Variants in ACBD3 observed in about 807,000 individuals in gnomAD.
ACBD3 encodes Golgi resident protein GCP60.
A neutral mutation model predicts 66.9 loss-of-function variants in ACBD3; 30 were observed. The ratio of observed to expected loss-of-function variants is 0.45; its 90% CI spans 0.34 to 0.61. ACBD3 has a LOEUF of 0.61. Among genes scored for constraint, ACBD3 ranks in the 20% least tolerant of loss-of-function variants. The pLI, the probability that ACBD3 is intolerant of heterozygous loss-of-function variation, is 0.02. For missense variants in ACBD3, 544 were observed against 664.5 expected (o/e 0.82, Z 1.99); for synonymous variants, 278 against 259.8 (o/e 1.07, Z -0.68).
intron 1 of ACBD3, among the ~76,000 whole-genome samples, chr1:226,172,638 C>A (rs1440111420): frequency 6.7e-6 from 1 of 149,026 alleles, no homozygotes; most frequent in African/African-American, 2.5e-5. Context: ...AAATTTGTCT[C>A]AAAAAAAAAA....
At chr1:226,174,990 G>A (rs573014558) in intron 1 of ACBD3, among the ~76,000 whole-genome samples, 2 of 150,232 alleles carry the variant, frequency 1.3e-5, no homozygotes, top group Non-Finnish European at 3.0e-5. Context: ...AGCTACTCAC[G>A]AGGCTGAGAC....
At chr1:226,166,999 T>A (rs1659889467) in intron 1 of ACBD3, among the ~76,000 whole-genome samples, 1 of 151,932 alleles carries the variant, frequency 6.6e-6, no homozygotes, top group African/African-American at 2.4e-5. Context: ...TCTTACAATG[T>A]TGCCCAGACT....
At position 226,145,082 on chromosome 1, in the gene ACBD3, T is replaced by C. The variant is rs2102770421; in HGVS notation, c.*1528A>G. The C allele has an allele frequency of 6.6e-6, 1 of 152,578 alleles. No homozygotes were observed. Among genetic ancestry groups the C allele is most frequent in the African/African-American group, 2.4e-5 (1 of 41,542 alleles). 9.5% of individuals were successfully genotyped at this position (152,578 alleles called of 1,614,324 possible). A position where few individuals can be genotyped will look rare whatever the true frequency, so the allele number is the denominator to read the frequency against. ...GAGAGCCTGACAAATGTTCTGGATG[T>C]AACAGTATGAACACCTATGAGCTGG... On this transcript the variant is annotated 3_prime_UTR_variant, in exon 8 of 8. Coordinates refer to ENST00000366812, the MANE Select transcript of ACBD3 (RefSeq NM_022735.4).
chr1:226,147,104 A>C (rs1659470092), intron 7 of ACBD3, among the ~76,000 whole-genome samples: 1 of 151,970 alleles, frequency 6.6e-6, no homozygotes, highest in Non-Finnish European at 1.5e-5. Context: ...GTTGGCCAGG[A>C]TTGTCTCAAT....
chr1:226,166,023 G>T, intron 1 of ACBD3, 23 bp from the exon 2 acceptor site: 1 of 1,596,578 alleles, frequency 6.3e-7, no homozygotes, highest in Non-Finnish European at 8.5e-7. Flanking sequence ...GAAACACAAA[G>T]AAAACAATTA....
chr1:226,173,725 G>A (rs1172448599), intron 1 of ACBD3, among the ~76,000 whole-genome samples: 3 of 149,854 alleles, frequency 2.0e-5, no homozygotes, highest in South Asian at 2.1e-4. Flanking sequence ...TTTAAATCAG[G>A]TGAGAATAAT....
intron 1 of ACBD3, among the ~76,000 whole-genome samples, chr1:226,173,674 C>T (rs374091629): frequency 1.0e-3 from 155 of 151,588 alleles, no homozygotes; most frequent in African/African-American, 3.3e-3. Flanking sequence ...CTCTCTTACT[C>T]TTCAGGTGGC....
Position 226,146,296 on chromosome 1 carries a change from G to A in ACBD3, c.*314C>T, listed in dbSNP as rs146253707. 5.1e-5 allele frequency: 13 copies of A among 253,864 alleles called. No individual in the cohort carries two copies. In the East Asian group the frequency reaches 1.3e-3, roughly 26 times the overall value. The allele number at this position is 253,864 out of a possible 1,614,324, so 15.7% of individuals were successfully genotyped here. On this transcript the variant is annotated 3_prime_UTR_variant, in exon 8 of 8. Transcript: ENST00000366812. Reference sequence around the variant, plus strand: ...AAGGGGCTAACCATCAGCCGGGTAAGGTCAACGTTGGGGTGTTTTATTTTG... The same window carrying A: ...AAGGGGCTAACCATCAGCCGGGTAAAGTCAACGTTGGGGTGTTTTATTTTG...
At chr1:226,178,128 A>T (rs1267169761) in intron 1 of ACBD3, among the ~76,000 whole-genome samples, 3 of 152,140 alleles carry the variant, frequency 2.0e-5, no homozygotes, top group African/African-American at 7.2e-5. Flanking sequence ...TCAGGCAATT[A>T]AAAACAGATA....
chr1:226,167,270 T>A (rs145334041), intron 1 of ACBD3, among the ~76,000 whole-genome samples: 225 of 152,286 alleles, frequency 1.5e-3, no homozygotes, highest in African/African-American at 5.0e-3. Context: ...TATAATGTGG[T>A]GGAAAAGGCT....
At position 226,145,328 on chromosome 1, in the gene ACBD3, G is replaced by A. The variant is rs749820648; in HGVS notation, c.*1282C>T. 1 of 152,456 alleles carries A rather than the reference G, an allele frequency of 6.6e-6. No individual in the cohort carries two copies. Among genetic ancestry groups the A allele is most frequent in the Non-Finnish European group, 1.5e-5 (1 of 68,012 alleles). The allele number at this position is 152,456 out of a possible 1,614,324, so 9.4% of individuals were successfully genotyped here. ...AACCCTCCTACAAGAAGTGATTTAG[G>A]ATTTGAAATTTTAAAAATCTAAGTA... On this transcript the variant is annotated 3_prime_UTR_variant, in exon 8 of 8. Coordinates refer to ENST00000366812, the MANE Select transcript of ACBD3 (RefSeq NM_022735.4).
At chr1:226,169,016 C>T (rs1659931005) in intron 1 of ACBD3, among the ~76,000 whole-genome samples, 3 of 152,086 alleles carry the variant, frequency 2.0e-5, no homozygotes, top group Admixed American at 2.0e-4. Context: ...GTGTGCGCCA[C>T]CATACCCGGC....
chr1:226,178,243 A>G (rs1656091191), intron 1 of ACBD3, among the ~76,000 whole-genome samples: 1 of 152,112 alleles, frequency 6.6e-6, no homozygotes, highest in African/African-American at 2.4e-5. Context: ...AAAGATTACA[A>G]TTAAGTCCCT....
chr1:226,171,142 A>G (rs1161939283), intron 1 of ACBD3, among the ~76,000 whole-genome samples: 1 of 132,180 alleles, frequency 7.6e-6, no homozygotes, highest in Non-Finnish European at 1.6e-5. Flanking sequence ...GAGGGATGGT[A>G]AGTAAACAAT....
rs774673067 is a variant in ACBD3 at position 226,161,643 on chromosome 1, G to A, written c.616C>T (p.Arg206Cys). ...CGTTTCTCTTCCTCCTTTTGCAGACGTTCTCTTTCTTCCTCTTCACGCCGC... is the reference window on the plus strand; with the variant it reads ...CGTTTCTCTTCCTCCTTTTGCAGACATTCTCTTTCTTCCTCTTCACGCCGC... ...RRRREEEERE[R>C]LQKEEEKRRR... is the part of the protein sequence containing the mutation. Residue 206 changes from arginine (R) to cysteine (C), a missense_variant, in exon 4 of 8, where the codon CGT becomes TGT. Arg to Cys is a radical substitution (Grantham distance 180, BLOSUM62 -3). This residue lies in a region of ACBD3 where 383 missense variants were observed against 462.4 expected (regional missense o/e 0.83). Transcript: ENST00000366812. 12 of 1,612,060 alleles carry A rather than the reference G, an allele frequency of 7.4e-6. No homozygotes were observed. Among genetic ancestry groups the A allele is most frequent in the African/African-American group, 4.0e-5 (3 of 74,642 alleles).
intron 5 of ACBD3, among the ~76,000 whole-genome samples, chr1:226,155,687 A>G (rs1177392946): frequency 6.6e-6 from 1 of 152,184 alleles, no homozygotes; most frequent in African/African-American, 2.4e-5. Context: ...AACATAATTG[A>G]CCCCAAAAAG....
At chr1:226,147,925 T>A (rs1297639803) in intron 7 of ACBD3, 1 of 152,190 alleles carries the variant, frequency 6.6e-6, no homozygotes, top group Admixed American at 6.5e-5. Context: ...CTTTCGGGTT[T>A]ATGGTTGTTG....
At chr1:226,155,615 T>C (rs1028225793) in intron 5 of ACBD3, among the ~76,000 whole-genome samples, 1 of 152,040 alleles carries the variant, frequency 6.6e-6, no homozygotes, top group Non-Finnish European at 1.5e-5. Context: ...GAAGCTATAA[T>C]TGGCAAAATC....
chr1:226,157,948 C>T (rs1395623459), intron 5 of ACBD3, among the ~76,000 whole-genome samples: 1 of 152,180 alleles, frequency 6.6e-6, no homozygotes, highest in Non-Finnish European at 1.5e-5. Context: ...AGTGTATGTG[C>T]TATTAAAAAT....
Sources: gnomAD v4.1 joint callset for allele counts (sites outside exome capture counted in the v4.1 genomes callset) on GRCh38, gnomAD v4.1.1 for gene constraint, gnomAD v4.1.1 regional missense constraint, MANE v1.5 for transcripts, NCBI Gene and HGNC (gene_info 2026-07-23, HGNC 2026-07-21) for gene names.